Variants in CKM observed in about 807,000 individuals in gnomAD.
CKM encodes creatine kinase M-type.
A neutral mutation model predicts 35.4 loss-of-function variants in CKM; 28 were observed. The ratio of observed to expected loss-of-function variants is 0.79; its 90% CI spans 0.59 to 1.08. CKM has a LOEUF of 1.08. CKM is among the 50% of genes least tolerant of loss of function. CKM has a pLI of 0.00. For synonymous variants in CKM, 215 were observed against 204.4 expected, an observed-to-expected ratio of 1.05 and a Z score of -0.44; for missense variants, 484 against 509.8, an observed-to-expected ratio of 0.95 and a Z score of 0.49.
intron 1 of CKM, among the ~76,000 whole-genome samples, chr19:45,322,214 A>G (rs1272690590): frequency 6.8e-6 from 1 of 147,944 alleles, no homozygotes; most frequent in Non-Finnish European, 1.5e-5. Flanking sequence ...CAGGGTGGTG[A>G]CCCCCCCCAC....
chr19:45,312,480 T>A (rs140854297), intron 4 of CKM, among the ~76,000 whole-genome samples: 630 of 151,430 alleles, frequency 4.2e-3, no homozygotes, highest in Non-Finnish European at 7.0e-3. Context: ...TGGAGCGCAA[T>A]GGCGCGATCT....
At chr19:45,318,122 T>G in intron 2 of CKM, 143 bp from the exon 3 acceptor site, 1 of 680,628 alleles carries the variant, frequency 1.5e-6, no homozygotes. Flanking sequence ...TTGAGAATCA[T>G]AAGGGTTGGG....
chr19:45,309,040 A>G (rs988339159), intron 5 of CKM, among the ~76,000 whole-genome samples: 1 of 150,052 alleles, frequency 6.7e-6, no homozygotes, highest in Non-Finnish European at 1.5e-5. Context: ...ATCCTGGCTA[A>G]CACGTCGAAA....
chr19:45,311,023 G>A (rs111273322), intron 5 of CKM, among the ~76,000 whole-genome samples: 15,237 of 142,266 alleles, frequency 0.11, 883 homozygotes, highest in Middle Eastern at 0.19. Flanking sequence ...CTCGTGATCC[G>A]CCCACCTTGG....
intron 3 of CKM, among the ~76,000 whole-genome samples, chr19:45,316,719 C>T (rs1477627454): frequency 2.6e-5 from 4 of 151,958 alleles, no homozygotes; most frequent in Non-Finnish European, 4.4e-5. Flanking sequence ...TCTCTCCTGC[C>T]TTCTCTGATG....
chr19:45,317,042 G>A (rs185306341), intron 3 of CKM, among the ~76,000 whole-genome samples: 1 of 150,990 alleles, frequency 6.6e-6, no homozygotes, highest in Admixed American at 6.6e-5. Flanking sequence ...CCTCTCCTTT[G>A]TCTGTCTGTC....
At chr19:45,317,111 C>T (rs948132778) in intron 3 of CKM, among the ~76,000 whole-genome samples, 7 of 149,496 alleles carry the variant, frequency 4.7e-5, no homozygotes, top group African/African-American at 1.7e-4. Context: ...TCTCTCTTTC[C>T]TTTTTTTATT....
intron 6 of CKM, among the ~76,000 whole-genome samples, chr19:45,307,853 G>C (rs1054505450): frequency 5.4e-5 from 8 of 148,442 alleles, no homozygotes; most frequent in African/African-American, 2.0e-4. Flanking sequence ...GACTAAGAAC[G>C]CTTTGAAGGC....
At chr19:45,314,053 AAGGAAGGG>A (rs1042861965) in intron 4 of CKM, among the ~76,000 whole-genome samples, 1 of 148,228 alleles carries the variant, frequency 6.7e-6, no homozygotes, top group African/African-American at 2.5e-5. Flanking sequence ...AGAAGGAAGG[AAGGAAGGG>A]AGGAAGGGAG....
chr19:45,314,079 A>AGAAG (rs577907657), intron 4 of CKM, among the ~76,000 whole-genome samples: 1 of 147,978 alleles, frequency 6.8e-6, no homozygotes, highest in Non-Finnish European at 1.5e-5. Context: ...GAGGGAGGAA[A>AGAAG]GAAGGAAGGA....
intron 2 of CKM, among the ~76,000 whole-genome samples, chr19:45,318,258 A>G (rs1599819786): frequency 6.6e-6 from 1 of 152,026 alleles, no homozygotes; most frequent in Admixed American, 6.6e-5. Flanking sequence ...AAATACAAAA[A>G]TTAGCTGGGT....
chr19:45,320,402 C>G (rs1031786644), intron 1 of CKM, among the ~76,000 whole-genome samples: 1 of 152,196 alleles, frequency 6.6e-6, no homozygotes, highest in Non-Finnish European at 1.5e-5. Flanking sequence ...CCGCCTAGCT[C>G]GCATCTTGCA....
chr19:45,315,091 A>G (rs984309955), intron 4 of CKM, among the ~76,000 whole-genome samples: 6 of 152,068 alleles, frequency 3.9e-5, no homozygotes, highest in Non-Finnish European at 8.8e-5. Flanking sequence ...TATCTTGTTC[A>G]TCTGTGGGTT....
In CKM at chr19:45,315,589, G is replaced by A. The variant is rs1444581132; in HGVS notation, c.357C>T (p.Asp119=). ...DLNHENLKGG[D]DLDPNYVLSS... ...TGAGCACGTAGTTAGGGTCCAGGTCGTCTCCACCCTGGAGAGCGGGTGGGA... is the reference window on the plus strand; with the variant it reads ...TGAGCACGTAGTTAGGGTCCAGGTCATCTCCACCCTGGAGAGCGGGTGGGA... The change falls in exon 4 of 8, where the codon GAC becomes GAT. Residue 119 remains aspartate, a synonymous_variant. Coordinates refer to ENST00000221476, the MANE Select transcript of CKM (RefSeq NM_001824.5). 11 of 1,603,724 alleles carry A rather than the reference G, an allele frequency of 6.9e-6. No individual in the cohort carries two copies. Among genetic ancestry groups the A allele is most frequent in the Admixed American group, 1.7e-5 (1 of 60,000 alleles).
intron 5 of CKM, 50 bp downstream of exon 5, chr19:45,311,696 GGAC>G: frequency 6.8e-7 from 1 of 1,478,302 alleles, no homozygotes; most frequent in Non-Finnish European, 9.1e-7. Context: ...GGCCGTTGCA[GGAC>G]TGGAGGAGGC....
chr19:45,318,425 A>G (rs1971180164), intron 2 of CKM, among the ~76,000 whole-genome samples: 1 of 150,310 alleles, frequency 6.7e-6, no homozygotes, highest in African/African-American at 2.4e-5. Flanking sequence ...AAAAAAAAAA[A>G]GAGAGAACAC....
At chr19:45,313,201 T>C (rs1262018668) in intron 4 of CKM, among the ~76,000 whole-genome samples, 1 of 152,190 alleles carries the variant, frequency 6.6e-6, no homozygotes, top group East Asian at 1.9e-4. Flanking sequence ...TCCTACAGCA[T>C]GTGCCACTTC....
chr19:45,314,123 A>G, intron 4 of CKM, among the ~76,000 whole-genome samples: 1 of 144,784 alleles, frequency 6.9e-6, no homozygotes, highest in Admixed American at 6.9e-5. Context: ...AAGGGAAGGG[A>G]AGGAAGGGAG....
rs537177777 is a variant in CKM at position 45,315,854 on chromosome 19, T to C, written c.349-257A>G. On this transcript the variant is annotated intron_variant, in intron 3 of 7. Coordinates refer to ENST00000221476, the MANE Select transcript of CKM (RefSeq NM_001824.5). Reference sequence around the variant, plus strand: ...ATCTTCGTATATTTCTTTTCCTTTTTTTTCTTCGAGACAGGGTCTCTCTCT... The same window carrying C: ...ATCTTCGTATATTTCTTTTCCTTTTCTTTCTTCGAGACAGGGTCTCTCTCT... Among the ~76,000 whole-genome samples the C allele has an allele frequency of 2.0e-5, 3 of 148,146 alleles. No individual in the cohort carries two copies. The East Asian group carries it at 5.9e-4, about 29-fold the overall frequency.
Sources: gnomAD v4.1 joint callset for allele counts (sites outside exome capture counted in the v4.1 genomes callset) on GRCh38, gnomAD v4.1.1 for gene constraint, MANE v1.5 for transcripts, NCBI Gene and HGNC (gene_info 2026-07-23, HGNC 2026-07-21) for gene names.